PLD5: variants seen among roughly 807,000 people sequenced by gnomAD.
The protein encoded by PLD5 is inactive phospholipase D5.
PLD5 carries 36 observed loss-of-function variants against 61.1 expected under a neutral mutation model. That is an observed-to-expected ratio of 0.59 (90% CI 0.45 to 0.78). The LOEUF (loss-of-function observed/expected upper bound fraction) is 0.78. PLD5 is among the 30% of genes least tolerant of loss of function. PLD5 has a pLI of 0.00. For synonymous variants in PLD5, 243 were observed against 242.8 expected (o/e 1.00, Z -0.01); for missense variants, 515 against 644.4 (o/e 0.80, Z 2.17).
At position 242,181,677 on chromosome 1, in the gene PLD5, G is replaced by A. The variant is rs142622319; in HGVS notation, c.735+38311C>T. Among the ~76,000 whole-genome samples the A allele has an allele frequency of 7.2e-3, 1,083 of 150,486 alleles. 13 individuals are homozygous for A. The highest frequency in any genetic ancestry group is 0.025 in the African/African-American group (1,034 of 40,888). The stretch of plus-strand genomic sequence containing the variant: ...CAATGGTTTTTTTTTGTTTTGTTTT[G>A]TTTTGAGACAGAGTCTCACTCTGTC... On this transcript the variant is annotated intron_variant, in intron 5 of 9. Transcript: ENST00000536534.
intron 4 of PLD5, among the ~76,000 whole-genome samples, chr1:242,237,721 T>C (rs1289730894): frequency 6.6e-6 from 1 of 152,202 alleles, no homozygotes; most frequent in East Asian, 1.9e-4. Flanking sequence ...CCCTATTCCC[T>C]CTGCTTCCTT....
intron 1 of PLD5, among the ~76,000 whole-genome samples, chr1:242,493,784 C>CA (rs1668254073): frequency 6.6e-6 from 1 of 152,102 alleles, no homozygotes; most frequent in Non-Finnish European, 1.5e-5. Context: ...GGGAAGGCTC[C>CA]ATGGGGTCAG....
chr1:242,459,879 T>C (rs1473125360), intron 1 of PLD5, among the ~76,000 whole-genome samples: 1 of 152,172 alleles, frequency 6.6e-6, no homozygotes, highest in African/African-American at 2.4e-5. Context: ...ATGGATAAGA[T>C]AGGGCTATAA....
rs528812905 is a variant in PLD5, at chr1:242,340,478, T to A, written c.326+7628A>T. Among the ~76,000 whole-genome samples, 176 of 152,090 alleles carry A rather than the reference T, an allele frequency of 1.2e-3. 2 individuals carry two copies. The highest frequency in any genetic ancestry group is 4.1e-3 in the African/African-American group (170 of 41,516). ...AAAATGATAATAAGCTCTTCCCCAT[T>A]TTGGAGCAAAGTAAGATGAAAGTAA... is the stretch of plus-strand genomic sequence containing the variant. On this transcript the variant is annotated intron_variant, in intron 2 of 9. Transcript: ENST00000536534.
intron 1 of PLD5, among the ~76,000 whole-genome samples, chr1:242,407,500 C>CTCCAT (rs1664297128): frequency 6.6e-6 from 1 of 151,792 alleles, no homozygotes; most frequent in Non-Finnish European, 1.5e-5. Flanking sequence ...CTGTAGAGAT[C>CTCCAT]TCCATGCATT....
chr1:242,092,733 A>G (rs1659931395), intron 9 of PLD5, among the ~76,000 whole-genome samples: 1 of 152,156 alleles, frequency 6.6e-6, no homozygotes, highest in Non-Finnish European at 1.5e-5. Flanking sequence ...AAGCTGCTGG[A>G]AGAAAGCACA....
chr1:242,097,671 A>G (rs1417036018), intron 9 of PLD5, among the ~76,000 whole-genome samples: 3 of 152,142 alleles, frequency 2.0e-5, no homozygotes, highest in Admixed American at 6.5e-5. Context: ...AGTAGATTGC[A>G]AAAATTTTCT....
intron 2 of PLD5, among the ~76,000 whole-genome samples, chr1:242,342,546 C>T (rs1296050738): frequency 6.6e-6 from 1 of 152,168 alleles, no homozygotes; most frequent in Non-Finnish European, 1.5e-5. Flanking sequence ...ATGCATGCAA[C>T]CTAAACTAGC....
At chr1:242,183,468 A>G (rs1321095148) in intron 5 of PLD5, among the ~76,000 whole-genome samples, 1 of 152,164 alleles carries the variant, frequency 6.6e-6, no homozygotes, top group African/African-American at 2.4e-5. Flanking sequence ...AAATAAAGAG[A>G]GTAAGGGGAA....
At chr1:242,229,111 G>A (rs1404187133) in intron 4 of PLD5, among the ~76,000 whole-genome samples, 2 of 152,192 alleles carry the variant, frequency 1.3e-5, no homozygotes, top group African/African-American at 4.8e-5. Flanking sequence ...TGTTGCACAG[G>A]TTGCATGAGT....
intron 5 of PLD5, among the ~76,000 whole-genome samples, chr1:242,191,835 G>T (rs1278242680): frequency 6.6e-6 from 1 of 151,770 alleles, no homozygotes; most frequent in Non-Finnish European, 1.5e-5. Context: ...GAGGGAAGGA[G>T]GGGGTACAGA....
At chr1:242,397,028 TTTCTA>T (rs1289721775) in intron 1 of PLD5, among the ~76,000 whole-genome samples, 1 of 152,112 alleles carries the variant, frequency 6.6e-6, no homozygotes, top group Non-Finnish European at 1.5e-5. Flanking sequence ...CCTTTGTTAG[TTTCTA>T]TTCTCTTTTA....
At chr1:242,282,448 T>C (rs1674765902) in intron 3 of PLD5, among the ~76,000 whole-genome samples, 1 of 152,162 alleles carries the variant, frequency 6.6e-6, no homozygotes, top group Non-Finnish European at 1.5e-5. Context: ...ACCTCTTGGA[T>C]CACCGAGCTC....
intron 9 of PLD5, among the ~76,000 whole-genome samples, chr1:242,091,572 C>T (rs902346612): frequency 3.3e-5 from 5 of 152,140 alleles, no homozygotes; most frequent in African/African-American, 4.8e-5. Flanking sequence ...TATGTGCTTT[C>T]GGGATAGCTA....
chr1:242,304,228 T>C (rs1311594809), intron 2 of PLD5, among the ~76,000 whole-genome samples: 3 of 152,250 alleles, frequency 2.0e-5, no homozygotes, highest in Non-Finnish European at 2.9e-5. Context: ...GTGTCAACTA[T>C]GTGGCCCAGC....
intron 1 of PLD5, among the ~76,000 whole-genome samples, chr1:242,378,984 G>A (rs1006359321): frequency 6.6e-5 from 10 of 152,092 alleles, no homozygotes; most frequent in African/African-American, 2.4e-4. Flanking sequence ...CTTTCTCTGA[G>A]CCCCTGGTTC....
At chr1:242,464,154 C>G (rs6657879) in intron 1 of PLD5, among the ~76,000 whole-genome samples, 58,034 of 152,006 alleles carry the variant, frequency 0.38, 11,438 homozygotes, top group African/African-American at 0.47. Context: ...ATGCAACTCT[C>G]TTGTTTTTCT....
chr1:242,267,231 A>G (rs1357188421), intron 3 of PLD5, among the ~76,000 whole-genome samples: 1 of 152,096 alleles, frequency 6.6e-6, no homozygotes, highest in Non-Finnish European at 1.5e-5. Flanking sequence ...CTGAAGATCA[A>G]GACCCTGAAG....
At chr1:242,246,765 G>C (rs557615602) in intron 4 of PLD5, among the ~76,000 whole-genome samples, 47 of 152,276 alleles carry the variant, frequency 3.1e-4, no homozygotes, top group Non-Finnish European at 2.4e-4. Context: ...GCCAATCTGA[G>C]TGACCATAGC....
Sources: allele counts gnomAD v4.1 joint callset (sites outside exome capture counted in the v4.1 genomes callset), GRCh38; gene constraint gnomAD v4.1.1; transcripts MANE v1.5; gene names NCBI Gene and HGNC (gene_info 2026-07-23, HGNC 2026-07-21).